The following RAP1GDS1 variants were observed in gnomAD, a reference collection of about 807,000 sequenced individuals.
RAP1GDS1 encodes RAP1, GTP-GDP dissociation stimulator 1.
In RAP1GDS1, 35 loss-of-function variants were observed where a neutral mutation model predicts 71.1. The observed-to-expected ratio is 0.49, with a 90% CI of 0.38 to 0.65. The LOEUF (loss-of-function observed/expected upper bound fraction) is 0.65, where lower values mean the gene tolerates loss of function less well. RAP1GDS1 is among the 30% of genes least tolerant of loss of function. The pLI is 0.00. For synonymous variants in RAP1GDS1, 229 were observed against 243.1 expected, an observed-to-expected ratio of 0.94 and a Z score of 0.54; for missense variants, 663 against 706.1, an observed-to-expected ratio of 0.94 and a Z score of 0.69.
chr4:98,418,925 A>T lies in RAP1GDS1; in HGVS notation c.1174+134A>T, dbSNP rs1748409631. The T allele has an allele frequency of 3.2e-6, 3 of 929,860 alleles. No individual in the cohort carries two copies. In the African/African-American group the frequency reaches 5.2e-5, roughly 16 times the overall value. 57.6% of individuals were successfully genotyped at this position (929,860 alleles called of 1,614,324 possible). On this transcript the variant is annotated intron_variant, in intron 10 of 14. Transcript: ENST00000408927. The stretch of plus-strand genomic sequence containing the variant: ...AAAAAATAGTCTTCACATTGTTCAC[A>T]TTTTTTCATGCTAATAAATGGAGAT...
chr4:98,309,312 T>G (rs963981576), intron 2 of RAP1GDS1, among the ~76,000 whole-genome samples: 7 of 152,014 alleles, frequency 4.6e-5, no homozygotes, highest in Admixed American at 1.3e-4. Flanking sequence ...GAATCTTAAT[T>G]CACACAAATC....
At chr4:98,351,633 G>C (rs995275508) in intron 3 of RAP1GDS1, among the ~76,000 whole-genome samples, 9 of 151,848 alleles carry the variant, frequency 5.9e-5, no homozygotes, top group African/African-American at 2.2e-4. Flanking sequence ...TTCAGTTATT[G>C]GTTATTGGAG....
At chr4:98,397,257 T>G (rs993444002) in intron 6 of RAP1GDS1, among the ~76,000 whole-genome samples, 1 of 152,132 alleles carries the variant, frequency 6.6e-6, no homozygotes, top group African/African-American at 2.4e-5. Context: ...ATGAATATGG[T>G]TTTAAAGTAT....
At chr4:98,397,880 G>A (rs74836464) in intron 6 of RAP1GDS1, among the ~76,000 whole-genome samples, 3,948 of 152,164 alleles carry the variant, frequency 0.026, 169 homozygotes, top group African/African-American at 0.088. Context: ...TCTGAATGCC[G>A]AGAACCACAG....
intron 2 of RAP1GDS1, among the ~76,000 whole-genome samples, chr4:98,330,622 T>G (rs1232664900): frequency 2.6e-4 from 23 of 88,128 alleles, no homozygotes; most frequent in South Asian, 4.7e-4. Context: ...TCCCAGACGA[T>G]GGGCGGCCGG....
intron 1 of RAP1GDS1, among the ~76,000 whole-genome samples, chr4:98,272,044 G>C (rs1410866034): frequency 1.3e-5 from 2 of 152,106 alleles, no homozygotes; most frequent in Non-Finnish European, 2.9e-5. Flanking sequence ...GACCTTCCCA[G>C]GTGATGCCAC....
chr4:98,342,674 T>A (rs1023143966), intron 2 of RAP1GDS1, among the ~76,000 whole-genome samples: 2 of 152,158 alleles, frequency 1.3e-5, no homozygotes, highest in African/African-American at 4.8e-5. Context: ...GACTATCACT[T>A]TTCATTCCGT....
intron 1 of RAP1GDS1, among the ~76,000 whole-genome samples, chr4:98,292,396 A>G (rs1727095631): frequency 6.6e-6 from 1 of 152,056 alleles, no homozygotes; most frequent in African/African-American, 2.4e-5. Context: ...GGCCTCCCAA[A>G]GTGATGGGAT....
intron 1 of RAP1GDS1, among the ~76,000 whole-genome samples, chr4:98,269,255 G>T (rs556598611): frequency 6.8e-6 from 1 of 146,268 alleles, no homozygotes; most frequent in East Asian, 2.0e-4. Context: ...GTTAAAACTA[G>T]ATACCCACAT....
At chr4:98,423,982 C>T (rs77013304) in intron 12 of RAP1GDS1, among the ~76,000 whole-genome samples, 2,148 of 152,144 alleles carry the variant, frequency 0.014, 52 homozygotes, top group African/African-American at 0.049. Context: ...TGATATTCAG[C>T]CATTTTTGAA....
intron 3 of RAP1GDS1, among the ~76,000 whole-genome samples, chr4:98,350,412 G>T (rs115772310): frequency 3.3e-5 from 5 of 152,264 alleles, no homozygotes; most frequent in African/African-American, 4.8e-5. Flanking sequence ...GTTAATTTAA[G>T]ATTTGAAATC....
chr4:98,442,315 C>A lies in RAP1GDS1; in HGVS notation c.*198C>A. On this transcript the variant is annotated 3_prime_UTR_variant, in exon 15 of 15. Transcript: ENST00000408927. ...AGTGTGATCATGACTTTGTCAAAGGCAAGTCTCCACCCATAACCGTTCTCT... is the reference window on the plus strand; with the variant it reads ...AGTGTGATCATGACTTTGTCAAAGGAAAGTCTCCACCCATAACCGTTCTCT... The A allele has an allele frequency of 1.6e-6, 1 of 639,630 alleles. No homozygotes were observed. The highest frequency in any genetic ancestry group is 2.4e-6 in the Non-Finnish European group (1 of 411,802). 39.6% of individuals were successfully genotyped at this position (639,630 alleles called of 1,614,324 possible). A position where few individuals can be genotyped will look rare whatever the true frequency, so the allele number is the denominator to read the frequency against.
chr4:98,431,358 T>G (rs777211892), intron 12 of RAP1GDS1, among the ~76,000 whole-genome samples: 3 of 152,240 alleles, frequency 2.0e-5, no homozygotes, highest in Non-Finnish European at 4.4e-5. Context: ...AATATTCCGT[T>G]GTGATCAACA....
chr4:98,353,719 C>T (rs1737541551), intron 4 of RAP1GDS1, among the ~76,000 whole-genome samples: 1 of 151,974 alleles, frequency 6.6e-6, no homozygotes, highest in East Asian at 1.9e-4. Context: ...GTTTTCAGTC[C>T]CCAGTATAGC....
At chr4:98,359,187 G>C (rs1389867154) in intron 4 of RAP1GDS1, among the ~76,000 whole-genome samples, 1 of 152,016 alleles carries the variant, frequency 6.6e-6, no homozygotes, top group East Asian at 1.9e-4. Context: ...AAACCTAACA[G>C]CCCTAAAATA....
chr4:98,263,742 A>G (rs545645900), intron 1 of RAP1GDS1, among the ~76,000 whole-genome samples: 10 of 152,322 alleles, frequency 6.6e-5, no homozygotes, highest in East Asian at 1.9e-4. Context: ...ATTATTTTCA[A>G]CTTTTGAACC....
rs73834413 is a variant in RAP1GDS1, at chr4:98,305,727, T to C, written c.112+12212T>C. ...AAAAAGGACTCTCATGTTGTGCAGT[T>C]GCCAGAAGGATATAAATCTCCATTG... is the stretch of plus-strand genomic sequence containing the variant. On this transcript the variant is annotated intron_variant, in intron 2 of 14. Transcript: ENST00000408927. 3.8e-3 allele frequency among the ~76,000 whole-genome samples: 581 copies of C among 152,338 alleles called. 5 individuals carry two copies. Among genetic ancestry groups the C allele is most frequent in the African/African-American group, 0.013 (555 of 41,586 alleles).
intron 2 of RAP1GDS1, among the ~76,000 whole-genome samples, chr4:98,320,007 G>A (rs1731554765): frequency 6.6e-6 from 1 of 152,084 alleles, no homozygotes. Flanking sequence ...CTTTTATGAT[G>A]ATCCACTTCC....
At chr4:98,330,022 A>T (rs1170243417) in intron 2 of RAP1GDS1, among the ~76,000 whole-genome samples, 2 of 152,144 alleles carry the variant, frequency 1.3e-5, no homozygotes, top group Non-Finnish European at 2.9e-5. Context: ...GAAGGTCAGC[A>T]GATAAACATG....
Sources: gnomAD v4.1 joint callset for allele counts (sites outside exome capture counted in the v4.1 genomes callset) on GRCh38, gnomAD v4.1.1 for gene constraint, MANE v1.5 for transcripts, NCBI Gene and HGNC (gene_info 2026-07-23, HGNC 2026-07-21) for gene names.